CSMD1: variants seen among roughly 807,000 people sequenced by gnomAD.
CSMD1 encodes the protein CUB and Sushi multiple domains 1, also known as CUB and sushi domain-containing protein 1.
In CSMD1, 213 loss-of-function variants were observed where a neutral mutation model predicts 417.5. The observed-to-expected ratio is 0.51, with a 90% CI of 0.46 to 0.57. The LOEUF (loss-of-function observed/expected upper bound fraction) is 0.57, where lower values mean the gene tolerates loss of function less well. Among genes scored for constraint, CSMD1 ranks in the 20% least tolerant of loss-of-function variants. The probability of loss-of-function intolerance (pLI) is 0.00; values close to 1 mark genes in which losing one functional copy is unlikely to be tolerated. For synonymous variants in CSMD1, 2,862 were observed against 1,736.8 expected (o/e 1.65, Z -16.11); for missense variants, 6,923 against 4,529.7 (o/e 1.53, Z -15.17).
At chr8:3,091,434 A>G in intron 48 of CSMD1, 82 bp downstream of exon 48, 2 of 1,039,690 alleles carry the variant, frequency 1.9e-6, no homozygotes, top group South Asian at 3.8e-5. Flanking sequence ...TATACTATAA[A>G]TTTCTATTTA....
At chr8:4,964,890 G>A (rs574301460) in intron 1 of CSMD1, among the ~76,000 whole-genome samples, 8 of 152,238 alleles carry the variant, frequency 5.3e-5, no homozygotes, top group South Asian at 2.1e-4. Flanking sequence ...GTTCTGGAGC[G>A]GAGTTTGGGG....
chr8:3,699,293 T>C (rs1800720027), intron 7 of CSMD1, among the ~76,000 whole-genome samples: 1 of 152,254 alleles, frequency 6.6e-6, no homozygotes, highest in South Asian at 2.1e-4. Flanking sequence ...ATAATTTTCC[T>C]GTTTCCTTCC....
intron 10 of CSMD1, among the ~76,000 whole-genome samples, chr8:3,524,111 G>A (rs947471024): frequency 9.0e-5 from 12 of 133,192 alleles, no homozygotes; most frequent in African/African-American, 2.3e-4. Context: ...AGAGACATAT[G>A]GACATATGTG....
chr8:3,343,484 C>T, intron 22 of CSMD1, 34 bp from the exon 23 acceptor site: 3 of 1,585,774 alleles, frequency 1.9e-6, no homozygotes, highest in Non-Finnish European at 2.6e-6. Flanking sequence ...TCCCTCTATG[C>T]CTTCACTGGA....
chr8:4,071,036 C>G (rs1285987736), intron 3 of CSMD1, among the ~76,000 whole-genome samples: 2 of 152,074 alleles, frequency 1.3e-5, no homozygotes, highest in Admixed American at 1.3e-4. Context: ...TTCTCTGTCT[C>G]TTTTGAAGCA....
chr8:3,074,403 T>C (rs546641840), intron 49 of CSMD1, among the ~76,000 whole-genome samples: 2 of 152,258 alleles, frequency 1.3e-5, no homozygotes, highest in East Asian at 1.9e-4. Context: ...CCCAGGTCCA[T>C]AGGGAGCTGT....
chr8:3,645,277 A>G lies in CSMD1; in HGVS notation c.1010-28480T>C, dbSNP rs114646927. On this transcript the variant is annotated intron_variant, in intron 7 of 69. Coordinates refer to ENST00000635120, the MANE Select transcript of CSMD1 (RefSeq NM_033225.6). ...AAGTGTTCATACACTTGTCTCAGGA[A>G]GCCATAACACAATGAACACAAATGT... 6.5e-3 allele frequency among the ~76,000 whole-genome samples: 983 copies of G among 152,332 alleles called. 12 individuals are homozygous for G. The highest frequency in any genetic ancestry group is 0.022 in the African/African-American group (934 of 41,574).
chr8:4,594,593 C>G (rs1277873048), intron 2 of CSMD1, among the ~76,000 whole-genome samples: 1 of 152,096 alleles, frequency 6.6e-6, no homozygotes, highest in East Asian at 1.9e-4. Context: ...CACAACTTAA[C>G]CCATAACAGG....
chr8:2,973,063 C>A, intron 57 of CSMD1, 54 bp downstream of exon 57: 1 of 1,538,602 alleles, frequency 6.5e-7, no homozygotes, highest in African/African-American at 1.4e-5. Flanking sequence ...CATTTTAGAA[C>A]GAGCTGTGTG....
At chr8:3,973,053 G>A (rs566394426) in intron 5 of CSMD1, among the ~76,000 whole-genome samples, 25 of 152,328 alleles carry the variant, frequency 1.6e-4, no homozygotes, top group Middle Eastern at 3.4e-3. Context: ...ACAGATAAGT[G>A]TGCTTTGATA....
At chr8:2,977,722 C>G (rs1338501888) in intron 55 of CSMD1, among the ~76,000 whole-genome samples, 1 of 151,938 alleles carries the variant, frequency 6.6e-6, no homozygotes, top group Admixed American at 6.6e-5. Context: ...GGAACTTAAA[C>G]AAATTTACAA....
intron 3 of CSMD1, among the ~76,000 whole-genome samples, chr8:4,249,107 C>T (rs1436226753): frequency 6.6e-6 from 1 of 152,188 alleles, no homozygotes; most frequent in Non-Finnish European, 1.5e-5. Context: ...GACTTCTCAA[C>T]CTTTCCCCAG....
intron 5 of CSMD1, among the ~76,000 whole-genome samples, chr8:3,816,869 G>A (rs902357883): frequency 6.6e-6 from 1 of 151,988 alleles, no homozygotes; most frequent in Non-Finnish European, 1.5e-5. Flanking sequence ...CAGGGGTAAG[G>A]GGGCACTATA....
At chr8:3,080,983 T>C (rs1240506595) in intron 49 of CSMD1, among the ~76,000 whole-genome samples, 1 of 152,182 alleles carries the variant, frequency 6.6e-6, no homozygotes, top group Non-Finnish European at 1.5e-5. Flanking sequence ...CAATTCTAAA[T>C]AATCTTTAAA....
chr8:3,163,966 C>T (rs1820055760), intron 37 of CSMD1, among the ~76,000 whole-genome samples: 4 of 152,198 alleles, frequency 2.6e-5, no homozygotes, highest in Non-Finnish European at 4.4e-5. Context: ...GTTGAGCTAA[C>T]AGTACACTTC....
intron 21 of CSMD1, among the ~76,000 whole-genome samples, chr8:3,352,134 G>A (rs1329265870): frequency 6.6e-6 from 1 of 152,126 alleles, no homozygotes; most frequent in African/African-American, 2.4e-5. Context: ...CATCTCCAAA[G>A]GCCTACTGAG....
chr8:3,448,321 A>G (rs1338734251), intron 12 of CSMD1, among the ~76,000 whole-genome samples: 2 of 1,858 alleles, frequency 1.1e-3, no homozygotes, highest in Admixed American at 7.7e-3. Flanking sequence ...GGAAGGAAGG[A>G]AGGGAGCAAG....
At chr8:3,311,142 T>C (rs1220296152) in intron 23 of CSMD1, among the ~76,000 whole-genome samples, 1 of 152,182 alleles carries the variant, frequency 6.6e-6, no homozygotes, top group Non-Finnish European at 1.5e-5. Flanking sequence ...ACCATAAATA[T>C]GCTTAGGACA....
intron 3 of CSMD1, among the ~76,000 whole-genome samples, chr8:4,041,178 G>A (rs1045307259): frequency 8.6e-5 from 13 of 151,622 alleles, no homozygotes; most frequent in East Asian, 5.9e-4. Flanking sequence ...CACCACGCCC[G>A]GCTAATTTTT....
Sources: gnomAD v4.1 joint callset for allele counts (sites outside exome capture counted in the v4.1 genomes callset) on GRCh38, gnomAD v4.1.1 for gene constraint, MANE v1.5 for transcripts, NCBI Gene and HGNC (gene_info 2026-07-23, HGNC 2026-07-21) for gene names.